Variants in CNTLN observed in about 807,000 individuals in gnomAD.
The protein encoded by CNTLN is centlein, centrosomal protein.
CNTLN carries 212 observed loss-of-function variants against 180.0 expected under a neutral mutation model. That is an observed-to-expected ratio of 1.18 (90% confidence interval 1.05 to 1.32). The LOEUF (loss-of-function observed/expected upper bound fraction) is 1.32, where lower values mean the gene tolerates loss of function less well. CNTLN is among the 40% of genes most tolerant of loss of function. CNTLN has a pLI of 0.00. For synonymous variants in CNTLN, 722 were observed against 563.1 expected, an observed-to-expected ratio of 1.28 and a Z score of -3.99; for missense variants, 2,095 against 1,610.9, an observed-to-expected ratio of 1.30 and a Z score of -5.14.
rs74818908 is a variant in CNTLN at position 17,353,337 on chromosome 9, G to T, written c.1886+10893G>T. 5.2e-3 allele frequency among the ~76,000 whole-genome samples: 735 copies of T among 141,656 alleles called. 5 individuals carry two copies. Among genetic ancestry groups the T allele is most frequent in the African/African-American group, 0.018 (703 of 38,266 alleles). The allele number at this position is 141,656 out of a possible 152,430, so 92.9% of individuals were successfully genotyped here. A position where few individuals can be genotyped will look rare whatever the true frequency, so the allele number is the denominator to read the frequency against. ...GCTGCACAATTTTATATTGTTTGCCGTCTATGAGGGTTCTAATTTCCCCAC... is the reference window on the plus strand; with the variant it reads ...GCTGCACAATTTTATATTGTTTGCCTTCTATGAGGGTTCTAATTTCCCCAC... On this transcript the variant is annotated intron_variant, in intron 12 of 25. Transcript: ENST00000380647.
intron 6 of CNTLN, among the ~76,000 whole-genome samples, chr9:17,275,952 G>A (rs1828282018): frequency 6.6e-6 from 1 of 152,040 alleles, no homozygotes; most frequent in African/African-American, 2.4e-5. Flanking sequence ...CGACATAAAC[G>A]TAGGAGCAGT....
chr9:17,148,411 C>A (rs1818603914), intron 2 of CNTLN, among the ~76,000 whole-genome samples: 1 of 152,190 alleles, frequency 6.6e-6, no homozygotes, highest in South Asian at 2.1e-4. Flanking sequence ...CAATACATAG[C>A]CTCATTTTAT....
At chr9:17,161,040 C>T (rs1819641740) in intron 2 of CNTLN, among the ~76,000 whole-genome samples, 1 of 151,976 alleles carries the variant, frequency 6.6e-6, no homozygotes. Context: ...TTGATAAATA[C>T]TATAATGATA....
At chr9:17,211,469 A>G (rs1823305374) in intron 2 of CNTLN, among the ~76,000 whole-genome samples, 1 of 152,162 alleles carries the variant, frequency 6.6e-6, no homozygotes, top group African/African-American at 2.4e-5. Flanking sequence ...TTTGTAGTAT[A>G]GTTTGAAGTC....
intron 2 of CNTLN, among the ~76,000 whole-genome samples, chr9:17,213,706 T>TTA (rs1823506808): frequency 6.6e-6 from 1 of 152,146 alleles, no homozygotes; most frequent in African/African-American, 2.4e-5. Flanking sequence ...TCTTTGTAGG[T>TTA]CTCTAAGGAC....
At chr9:17,141,295 A>C (rs927022979) in intron 1 of CNTLN, among the ~76,000 whole-genome samples, 1 of 152,182 alleles carries the variant, frequency 6.6e-6, no homozygotes, top group Non-Finnish European at 1.5e-5. Context: ...GTGAAAAAAA[A>C]TTGTAACTGG....
intron 7 of CNTLN, chr9:17,301,804 CTT>C (rs1198208284): frequency 3.7e-5 from 36 of 981,300 alleles, no homozygotes; most frequent in Non-Finnish European, 3.9e-5. Context: ...AAAACAAAGT[CTT>C]TTATAATTCC....
intron 3 of CNTLN, among the ~76,000 whole-genome samples, chr9:17,227,513 G>A (rs1824548370): frequency 6.6e-6 from 1 of 151,932 alleles, no homozygotes; most frequent in South Asian, 2.1e-4. Flanking sequence ...TCATTACGGA[G>A]TAAATAAATT....
intron 18 of CNTLN, among the ~76,000 whole-genome samples, chr9:17,455,176 G>A (rs1831041838): frequency 1.3e-5 from 2 of 152,150 alleles, no homozygotes; most frequent in Non-Finnish European, 2.9e-5. Context: ...TGTCCACAAT[G>A]CTAAGGAGAA....
chr9:17,145,008 A>ATT (rs1818358152), intron 2 of CNTLN, among the ~76,000 whole-genome samples: 1 of 149,948 alleles, frequency 6.7e-6, no homozygotes, highest in Admixed American at 6.6e-5. Context: ...CGCCCGGCTA[A>ATT]TTTTTTGTAT....
At position 17,368,138 on chromosome 9, in the gene CNTLN, G is replaced by A. The variant is rs4961436; in HGVS notation, c.1987+1421G>A. The stretch of plus-strand genomic sequence containing the variant: ...CATTGCACTGAAAGGTGAGTCCCAG[G>A]CCTGGCAGCATTTGTGGCAAGCTGA... On this transcript the variant is annotated intron_variant, in intron 13 of 25. Coordinates refer to ENST00000380647, the MANE Select transcript of CNTLN (RefSeq NM_017738.4). Among the ~76,000 whole-genome samples, 2,758 of 150,274 alleles carry A rather than the reference G, an allele frequency of 0.018. 169 individuals are homozygous for A. In the East Asian group the frequency reaches 0.25, roughly 14 times the overall value.
the CNTLN span, among the ~76,000 whole-genome samples, chr9:17,522,521 G>T: frequency 6.6e-6 from 1 of 152,010 alleles, no homozygotes; most frequent in African/African-American, 2.4e-5. Context: ...ATCACTTCGG[G>T]GGCTGGGCTC....
intron 5 of CNTLN, among the ~76,000 whole-genome samples, chr9:17,271,983 C>G (rs995179363): frequency 6.6e-6 from 1 of 151,928 alleles, no homozygotes; most frequent in Non-Finnish European, 1.5e-5. Context: ...TGAATTGGTT[C>G]CCATATTTGC....
intron 16 of CNTLN, 106 bp from the exon 17 acceptor site, chr9:17,415,682 C>G: frequency 1.3e-6 from 1 of 788,208 alleles, no homozygotes; most frequent in East Asian, 2.6e-5. Flanking sequence ...AAAAAAAATT[C>G]TGCATAAACA....
chr9:17,184,392 A>T (rs570756558), intron 2 of CNTLN, among the ~76,000 whole-genome samples: 32 of 152,292 alleles, frequency 2.1e-4, no homozygotes, highest in Non-Finnish European at 3.8e-4. Context: ...ATCAGAAGCA[A>T]TTGTATTTTA....
At position 17,422,780 on chromosome 9, in the gene CNTLN, C is replaced by T. The variant is rs189252274; in HGVS notation, c.3114+6591C>T. Reference sequence around the variant, plus strand: ...TGTTTTTGTTGCTTGTGGATGTTTGCTGGTGTCTGGGCATGAAAGTGTTAG... The same window carrying T: ...TGTTTTTGTTGCTTGTGGATGTTTGTTGGTGTCTGGGCATGAAAGTGTTAG... On this transcript the variant is annotated intron_variant, in intron 18 of 25. Transcript: ENST00000380647. Among the ~76,000 whole-genome samples the T allele has an allele frequency of 2.6e-5, 4 of 152,136 alleles. No homozygotes were observed. In the East Asian group the frequency reaches 7.8e-4, roughly 30 times the overall value.
chr9:17,430,180 G>T (rs2133975751), intron 18 of CNTLN, among the ~76,000 whole-genome samples: 1 of 151,908 alleles, frequency 6.6e-6, no homozygotes, highest in South Asian at 2.1e-4. Flanking sequence ...ATCTCATCAG[G>T]TGTGTGATTT....
chr9:17,188,011 C>CATATATATAT lies in CNTLN; in HGVS notation c.450-38180_450-38171dup, dbSNP rs10556334. On this transcript the variant is annotated intron_variant, in intron 2 of 25. Coordinates refer to ENST00000380647, the MANE Select transcript of CNTLN (RefSeq NM_017738.4). ...TTATATATACACTATATATATACACCATATATATATATATATATATACACA... is the reference window on the plus strand; with the variant it reads ...TTATATATACACTATATATATACACCATATATATATATATATATATATATATATATACACA... Among the ~76,000 whole-genome samples, 3 of 145,750 alleles carry CATATATATAT rather than the reference C, an allele frequency of 2.1e-5. No individual in the cohort carries two copies. In the East Asian group the frequency reaches 6.1e-4, roughly 30 times the overall value.
At chr9:17,416,218 GTATACTA>G in intron 18 of CNTLN, 29 bp downstream of exon 18, 1 of 1,518,476 alleles carries the variant, frequency 6.6e-7, no homozygotes, top group Non-Finnish European at 9.0e-7. Flanking sequence ...TTGAACAGTA[GTATACTA>G]TATTGTAAAA....
Sources: gnomAD v4.1 joint callset for allele counts (sites outside exome capture counted in the v4.1 genomes callset) on GRCh38, gnomAD v4.1.1 for gene constraint, MANE v1.5 for transcripts, NCBI Gene and HGNC (gene_info 2026-07-23, HGNC 2026-07-21) for gene names.